ARHGAP25: variants seen among roughly 807,000 people sequenced by gnomAD.
ARHGAP25 encodes Rho GTPase activating protein 25, also known as rho GTPase-activating protein 25.
In ARHGAP25, 34 loss-of-function variants were observed where a neutral mutation model predicts 71.0. The observed-to-expected ratio is 0.48, with a 90% confidence interval of 0.36 to 0.64. The LOEUF (loss-of-function observed/expected upper bound fraction) is 0.64. Among genes scored for constraint, ARHGAP25 ranks in the 30% least tolerant of loss-of-function variants. The pLI is 0.00. For missense variants in ARHGAP25, 706 were observed against 805.1 expected (o/e 0.88, Z 1.49); for synonymous variants, 282 against 296.5 (o/e 0.95, Z 0.50).
chr2:68,767,374 G>A lies in ARHGAP25; in HGVS notation c.62-7847G>A, dbSNP rs116548773. Among the ~76,000 whole-genome samples, 266 of 151,992 alleles carry A rather than the reference G, an allele frequency of 1.8e-3. 5 individuals are homozygous for A. The highest frequency in any genetic ancestry group is 6.3e-3 in the African/African-American group (261 of 41,434). ...GGTGGAAACTGAGGGCCATCATCCC[G>A]CAGTCTGATAACAGGATAGGTGGGG... On this transcript the variant is annotated intron_variant, in intron 1 of 10. Coordinates refer to ENST00000409202, the MANE Select transcript of ARHGAP25 (RefSeq NM_001007231.3). The surrounding 1 kb of genome is among the most constrained non-coding windows in gnomAD (Gnocchi z 4.6).
At chr2:68,720,329 A>AAAAAG (rs1553391459) in intron 2 of ARHGAP25, among the ~76,000 whole-genome samples, 6 of 149,496 alleles carry the variant, frequency 4.0e-5, no homozygotes, top group African/African-American at 9.9e-5. Context: ...AAAAAAAAAA[A>AAAAAG]AAAAGAAAAG....
intron 3 of ARHGAP25, among the ~76,000 whole-genome samples, chr2:68,785,901 G>C (rs551375494): frequency 6.6e-6 from 1 of 152,164 alleles, no homozygotes; most frequent in Non-Finnish European, 1.5e-5. Context: ...GGTGCTGTTC[G>C]TGAGCTTTGT....
chr2:68,803,927 G>A (rs887843078), intron 4 of ARHGAP25, among the ~76,000 whole-genome samples: 7 of 152,182 alleles, frequency 4.6e-5, no homozygotes, highest in African/African-American at 1.7e-4. Context: ...TGCAGAGATT[G>A]GAAGGATAAA....
At chr2:68,713,064 A>G (rs1674525318) in intron 2 of ARHGAP25, among the ~76,000 whole-genome samples, 1 of 152,158 alleles carries the variant, frequency 6.6e-6, no homozygotes, top group Non-Finnish European at 1.5e-5. Flanking sequence ...TGGTAGCTTG[A>G]TAGGGATGGC....
intron 4 of ARHGAP25, among the ~76,000 whole-genome samples, chr2:68,789,037 T>C (rs1231590202): frequency 2.7e-5 from 4 of 146,350 alleles, no homozygotes; most frequent in African/African-American, 9.9e-5. Flanking sequence ...AATCTTTTTC[T>C]TTTTTTTTTT....
rs115127158 is a variant in ARHGAP25 at position 68,824,766 on chromosome 2, A to G, written c.1734-1221A>G. Among the ~76,000 whole-genome samples the G allele has an allele frequency of 4.6e-3, 694 of 152,252 alleles. 3 individuals are homozygous for G. The highest frequency in any genetic ancestry group is 0.015 in the African/African-American group (641 of 41,540). ...CAAAAAAAACAAAAGGAAAAAAAAA[A>G]GATGGAATGAGATCAATTTAGCTTT... On this transcript the variant is annotated intron_variant, in intron 10 of 10. Transcript: ENST00000409202.
intron 5 of ARHGAP25, among the ~76,000 whole-genome samples, chr2:68,811,554 C>T (rs1680818912): frequency 6.6e-6 from 1 of 152,110 alleles, no homozygotes; most frequent in Non-Finnish European, 1.5e-5. Flanking sequence ...TGGTTCCTAC[C>T]CCAGATTTCC....
intron 1 of ARHGAP25, among the ~76,000 whole-genome samples, chr2:68,743,050 G>A (rs1176349411): frequency 6.6e-6 from 1 of 152,182 alleles, no homozygotes; most frequent in Non-Finnish European, 1.5e-5. Flanking sequence ...GATAATGATA[G>A]CTTCTGGTAA....
intron 4 of ARHGAP25, among the ~76,000 whole-genome samples, chr2:68,798,607 T>C (rs557889284): frequency 3.3e-5 from 5 of 151,742 alleles, no homozygotes; most frequent in African/African-American, 1.2e-4. Context: ...AGGGAAAACA[T>C]AGTTACAACT....
chr2:68,800,721 A>C (rs1679905334), intron 4 of ARHGAP25, among the ~76,000 whole-genome samples: 2 of 152,208 alleles, frequency 1.3e-5, no homozygotes, highest in Non-Finnish European at 2.9e-5. Flanking sequence ...CAGTTTTCTC[A>C]TCTGTAAAAT....
intron 1 of ARHGAP25, among the ~76,000 whole-genome samples, chr2:68,755,715 G>T (rs1469114807): frequency 6.6e-6 from 1 of 152,182 alleles, no homozygotes; most frequent in Non-Finnish European, 1.5e-5. Flanking sequence ...AAGTTGGCTT[G>T]TTTCACAGTT....
chr2:68,799,258 A>G (rs969129057), intron 4 of ARHGAP25, among the ~76,000 whole-genome samples: 23 of 152,208 alleles, frequency 1.5e-4, no homozygotes, highest in African/African-American at 5.5e-4. Context: ...GGTTGGCAGC[A>G]TGAGACAGCC....
At chr2:68,743,460 G>C (rs1675634176) in intron 1 of ARHGAP25, among the ~76,000 whole-genome samples, 1 of 152,104 alleles carries the variant, frequency 6.6e-6, no homozygotes, top group Non-Finnish European at 1.5e-5. Context: ...TCAAAATGAG[G>C]CTCCCGCCTT....
upstream of ARHGAP25, among the ~76,000 whole-genome samples, chr2:68,732,779 G>A (rs1007108840): frequency 3.3e-5 from 5 of 152,214 alleles, no homozygotes; most frequent in Admixed American, 6.5e-5. Flanking sequence ...CAGGGTGTGC[G>A]CAGAGGCGTT....
At chr2:68,824,353 T>C (rs1256708830) in intron 10 of ARHGAP25, among the ~76,000 whole-genome samples, 2 of 152,150 alleles carry the variant, frequency 1.3e-5, no homozygotes, top group South Asian at 2.1e-4. Context: ...CTGGAACCCA[T>C]GGTCAGGATC....
At chr2:68,763,666 C>T (rs941140646) in intron 1 of ARHGAP25, among the ~76,000 whole-genome samples, 5 of 152,114 alleles carry the variant, frequency 3.3e-5, no homozygotes, top group Admixed American at 1.3e-4. Context: ...TTCTTGCATT[C>T]CTGGAATATT....
At chr2:68,730,394 C>G (rs548087850), upstream of ARHGAP25, among the ~76,000 whole-genome samples, 26 of 152,280 alleles carry the variant, frequency 1.7e-4, no homozygotes, top group Middle Eastern at 3.4e-3. Flanking sequence ...TCTGTAATCT[C>G]AGCACTTTGG....
intron 2 of ARHGAP25, among the ~76,000 whole-genome samples, chr2:68,721,303 T>A (rs911082121): frequency 4.6e-5 from 7 of 152,226 alleles, no homozygotes; most frequent in Non-Finnish European, 8.8e-5. Flanking sequence ...GTAATGATCG[T>A]ATTGTATATT....
At chr2:68,760,698 C>T (rs574543136) in intron 1 of ARHGAP25, among the ~76,000 whole-genome samples, 2 of 151,840 alleles carry the variant, frequency 1.3e-5, no homozygotes, top group African/African-American at 4.8e-5. Flanking sequence ...TAAAGAAGAA[C>T]AGAATAATGG....
Sources: gnomAD v4.1 joint callset for allele counts (sites outside exome capture counted in the v4.1 genomes callset) on GRCh38, gnomAD v4.1.1 for gene constraint, Gnocchi (gnomAD v3.1) non-coding constraint, MANE v1.5 for transcripts, NCBI Gene and HGNC (gene_info 2026-07-23, HGNC 2026-07-21) for gene names.